The following ENO4 variants were observed in gnomAD, a reference collection of about 807,000 sequenced individuals.
ENO4 encodes the protein 2-phospho-D-glycerate hydro-lyase.
In ENO4, 53 loss-of-function variants were observed where a neutral mutation model predicts 63.2. That is an observed-to-expected ratio of 0.84 (90% CI 0.67 to 1.05). ENO4 has a LOEUF of 1.05. Ranked by LOEUF, ENO4 falls within the 50% of genes least tolerant of loss-of-function variation. The pLI is 0.00. For missense variants in ENO4, 719 were observed against 772.0 expected (o/e 0.93, Z 0.81); for synonymous variants, 266 against 283.8 (o/e 0.94, Z 0.63).
At chr10:116,886,456 T>C (rs866759482), downstream of ENO4, 1 of 1,613,704 alleles carries the variant, frequency 6.2e-7, no homozygotes, top group South Asian at 1.1e-5. Context: ...TTCAGCAACC[T>C]GGTCTTTGGT....
At chr10:116,895,981 CA>C (rs1232537528) in intron 10 of ENO4, among the ~76,000 whole-genome samples, 1 of 152,140 alleles carries the variant, frequency 6.6e-6, no homozygotes, top group East Asian at 1.9e-4. Context: ...CCTCAATCCC[CA>C]AACTGGAAGC....
chr10:116,861,224 A>G, intron 6 of ENO4, 34 bp downstream of exon 6: 2 of 191,632 alleles, frequency 1.0e-5, no homozygotes, highest in Non-Finnish European at 1.5e-5. Flanking sequence ...CCTTTTCTAA[A>G]AAAAAAAAAA....
At chr10:116,896,156 A>G (rs1005718783) in intron 10 of ENO4, among the ~76,000 whole-genome samples, 5 of 152,168 alleles carry the variant, frequency 3.3e-5, no homozygotes, top group African/African-American at 4.8e-5. Flanking sequence ...GTTTCTTGGC[A>G]TTTCCCCCGA....
chr10:116,856,074 T>C (rs575592263), intron 2 of ENO4, among the ~76,000 whole-genome samples: 1 of 152,290 alleles, frequency 6.6e-6, no homozygotes, highest in East Asian at 1.9e-4. Context: ...GATTAGTCTA[T>C]TTACCTAGAC....
At chr10:116,904,370 T>C (rs984184807) in intron 10 of ENO4, among the ~76,000 whole-genome samples, 3 of 152,212 alleles carry the variant, frequency 2.0e-5, no homozygotes, top group Non-Finnish European at 4.4e-5. Context: ...AGAAAAATGT[T>C]TGTACCACCT....
chr10:116,889,783 TTCCATC>T (rs1183333341), intron 10 of ENO4, among the ~76,000 whole-genome samples: 1 of 152,210 alleles, frequency 6.6e-6, no homozygotes, highest in Admixed American at 6.5e-5. Flanking sequence ...CCGAATCCGT[TTCCATC>T]TCCATCTTCC....
chr10:116,874,051 T>G (rs1427564353), intron 9 of ENO4, 25 bp from the exon 10 acceptor site: 3 of 1,517,924 alleles, frequency 2.0e-6, no homozygotes, highest in Non-Finnish European at 2.7e-6. Context: ...ATCCCTTATT[T>G]TAATATTTTC....
intron 10 of ENO4, among the ~76,000 whole-genome samples, chr10:116,890,976 A>G (rs1010964630): frequency 1.3e-4 from 20 of 152,220 alleles, no homozygotes; most frequent in African/African-American, 4.8e-4. Context: ...ACTATATTCA[A>G]CAACATTCTA....
At chr10:116,899,508 T>TGC (rs1847646475) in intron 10 of ENO4, among the ~76,000 whole-genome samples, 2 of 65,884 alleles carry the variant, frequency 3.0e-5, no homozygotes, top group Admixed American at 2.9e-4. Flanking sequence ...CTGGGGCTGG[T>TGC]GTGTGTGTGT....
At chr10:116,898,407 A>T (rs758646843) in intron 10 of ENO4, among the ~76,000 whole-genome samples, 13 of 152,028 alleles carry the variant, frequency 8.6e-5, no homozygotes, top group Non-Finnish European at 1.6e-4. Flanking sequence ...TGAATAAAAT[A>T]TCTTACTATA....
intron 10 of ENO4, among the ~76,000 whole-genome samples, chr10:116,898,190 T>C (rs943517259): frequency 5.3e-5 from 8 of 152,040 alleles, no homozygotes; most frequent in Non-Finnish European, 1.0e-4. Flanking sequence ...TAGCTGGGCA[T>C]GGTGGCAGGC....
chr10:116,890,769 G>C (rs1225889574), intron 10 of ENO4, among the ~76,000 whole-genome samples: 1 of 152,220 alleles, frequency 6.6e-6, no homozygotes, highest in South Asian at 2.1e-4. Flanking sequence ...CTAGTAAAAG[G>C]AAAGACCTGA....
At chr10:116,873,884 A>C (rs1034875645) in intron 9 of ENO4, 192 bp from the exon 10 acceptor site, 7 of 984,726 alleles carry the variant, frequency 7.1e-6, no homozygotes, top group Non-Finnish European at 8.4e-6. Context: ...AGGAATGGTG[A>C]CTTGATTTCC....
rs1451454351 is a variant in ENO4, at chr10:116,879,265, A to G, written c.1538-26A>G. 3.3e-6 allele frequency: 5 copies of G among 1,528,476 alleles called. No homozygotes were observed. The Admixed American group carries it at 6.0e-5, about 18-fold the overall frequency. The allele number at this position is 1,528,476 out of a possible 1,614,324, so 94.7% of individuals were successfully genotyped here. ...TGTATCCTAACTTTCTACACCATAT[A>G]AAACTGAAAGAAATTCCTCTTCCAG... On this transcript the variant is annotated intron_variant, in intron 11 of 13. Transcript: ENST00000341276.
At chr10:116,900,272 A>G (rs1414104997) in intron 10 of ENO4, 2 of 469,962 alleles carry the variant, frequency 4.3e-6, no homozygotes, top group Non-Finnish European at 7.6e-6. Flanking sequence ...CTTTAAGTAG[A>G]TAAATTAAAC....
At chr10:116,908,253 T>A (rs182634662) in intron 10 of ENO4, among the ~76,000 whole-genome samples, 1 of 152,322 alleles carries the variant, frequency 6.6e-6, no homozygotes, top group African/African-American at 2.4e-5. Flanking sequence ...CATATAATTT[T>A]TTCCTTAGAA....
chr10:116,895,958 C>A (rs889859886), intron 10 of ENO4, among the ~76,000 whole-genome samples: 3 of 152,122 alleles, frequency 2.0e-5, no homozygotes, highest in Non-Finnish European at 4.4e-5. Context: ...AACACAGAAG[C>A]AAATTCCAAA....
chr10:116,899,399 C>A (rs940484238), intron 10 of ENO4, among the ~76,000 whole-genome samples: 1 of 151,940 alleles, frequency 6.6e-6, no homozygotes, highest in African/African-American at 2.4e-5. Flanking sequence ...GTAAGCCATG[C>A]AGCTCTTAGA....
At chr10:116,857,067 G>C (rs1278597449) in intron 3 of ENO4, among the ~76,000 whole-genome samples, 1 of 151,902 alleles carries the variant, frequency 6.6e-6, no homozygotes, top group Non-Finnish European at 1.5e-5. Flanking sequence ...AAATGGGTCT[G>C]TCAAATCTAT....
Sources: gnomAD v4.1 joint callset for allele counts (sites outside exome capture counted in the v4.1 genomes callset) on GRCh38, gnomAD v4.1.1 for gene constraint, MANE v1.5 for transcripts, NCBI Gene and HGNC (gene_info 2026-07-23, HGNC 2026-07-21) for gene names.